The following SORCS3 variants were observed in gnomAD, a reference collection of about 807,000 sequenced individuals.
The protein encoded by SORCS3 is sortilin related VPS10 domain containing receptor 3, also known as VPS10 domain-containing receptor SorCS3.
In SORCS3, 57 loss-of-function variants were observed where a neutral mutation model predicts 146.3. The ratio of observed to expected loss-of-function variants is 0.39; its 90% CI spans 0.31 to 0.49. The LOEUF (loss-of-function observed/expected upper bound fraction) is 0.49, where lower values mean the gene tolerates loss of function less well. SORCS3 is among the 20% of genes least tolerant of loss of function. SORCS3 has a pLI of 0.92. For synonymous variants in SORCS3, 653 were observed against 618.5 expected, an observed-to-expected ratio of 1.06 and a Z score of -0.83; for missense variants, 1,341 against 1,575.5, an observed-to-expected ratio of 0.85 and a Z score of 2.52.
At chr10:105,107,070 C>T (rs1412176784) in intron 7 of SORCS3, among the ~76,000 whole-genome samples, 1 of 152,152 alleles carries the variant, frequency 6.6e-6, no homozygotes, top group Non-Finnish European at 1.5e-5. Context: ...AAATAACCAA[C>T]TCAGGATCCC....
intron 26 of SORCS3, among the ~76,000 whole-genome samples, chr10:105,262,956 C>G (rs1450901115): frequency 1.3e-5 from 2 of 151,958 alleles, no homozygotes; most frequent in Non-Finnish European, 2.9e-5. Context: ...TGTGTAGTAC[C>G]TAAAAAAAAC....
intron 18 of SORCS3, 101 bp downstream of exon 18, chr10:105,214,714 T>A: frequency 8.7e-7 from 1 of 1,153,000 alleles, no homozygotes; most frequent in Non-Finnish European, 1.2e-6. Context: ...TGCACCAAAG[T>A]CAATGGTGAG....
chr10:104,854,718 C>G (rs2018311168), intron 2 of SORCS3, among the ~76,000 whole-genome samples: 1 of 152,050 alleles, frequency 6.6e-6, no homozygotes, highest in Non-Finnish European at 1.5e-5. Context: ...CCTCCCTCAC[C>G]CAAAACCCCT....
chr10:105,249,979 C>T (rs1028015970), intron 22 of SORCS3, among the ~76,000 whole-genome samples: 2 of 152,108 alleles, frequency 1.3e-5, no homozygotes, highest in African/African-American at 4.8e-5. Flanking sequence ...AACAAGGTTC[C>T]ATAAACTGGG....
intron 2 of SORCS3, among the ~76,000 whole-genome samples, chr10:104,887,559 C>T (rs1036855376): frequency 3.9e-5 from 6 of 152,114 alleles, no homozygotes; most frequent in African/African-American, 1.4e-4. Flanking sequence ...AGCTTCTAGA[C>T]AAGAGTCCGG....
chr10:104,720,640 G>T (rs542545393), intron 1 of SORCS3, among the ~76,000 whole-genome samples: 153 of 152,296 alleles, frequency 1.0e-3, no homozygotes, highest in African/African-American at 3.4e-3. Context: ...AGCACCTGTT[G>T]TTTCCTGACT....
intron 1 of SORCS3, among the ~76,000 whole-genome samples, chr10:104,813,436 T>C (rs2017761431): frequency 6.6e-6 from 1 of 152,216 alleles, no homozygotes; most frequent in Non-Finnish European, 1.5e-5. Flanking sequence ...GGCTGGCCTG[T>C]TTTATGTACT....
At chr10:104,749,438 TA>T (rs1172305533) in intron 1 of SORCS3, among the ~76,000 whole-genome samples, 1 of 152,196 alleles carries the variant, frequency 6.6e-6, no homozygotes, top group Non-Finnish European at 1.5e-5. Flanking sequence ...TCATGCTTCT[TA>T]AAAATTGGGG....
intron 2 of SORCS3, among the ~76,000 whole-genome samples, chr10:104,864,368 T>C (rs1457337475): frequency 6.6e-6 from 1 of 152,134 alleles, no homozygotes; most frequent in Non-Finnish European, 1.5e-5. Context: ...ACTGGATGAA[T>C]ATGGTCTCAG....
At chr10:104,973,389 T>C (rs2054873530) in intron 3 of SORCS3, among the ~76,000 whole-genome samples, 3 of 152,194 alleles carry the variant, frequency 2.0e-5, no homozygotes, top group Admixed American at 6.5e-5. Flanking sequence ...TATTGGTCTA[T>C]TCAGAGAGTC....
chr10:105,156,524 T>C (rs1420683007), intron 9 of SORCS3, among the ~76,000 whole-genome samples: 1 of 152,172 alleles, frequency 6.6e-6, no homozygotes, highest in Non-Finnish European at 1.5e-5. Flanking sequence ...ATGGATCCTT[T>C]GCCAGCCAAC....
intron 4 of SORCS3, among the ~76,000 whole-genome samples, chr10:105,013,972 C>A (rs1424998011): frequency 8.9e-6 from 1 of 112,382 alleles, no homozygotes; most frequent in Non-Finnish European, 1.8e-5. Flanking sequence ...TGTAGACACA[C>A]AGACACACAG....
intron 4 of SORCS3, among the ~76,000 whole-genome samples, chr10:105,022,898 A>T (rs1293473611): frequency 1.3e-5 from 2 of 152,172 alleles, no homozygotes; most frequent in African/African-American, 2.4e-5. Context: ...TGCCTTGATG[A>T]TCACTGAGGC....
intron 4 of SORCS3, among the ~76,000 whole-genome samples, chr10:105,004,058 T>A (rs1036957363): frequency 6.6e-6 from 1 of 150,410 alleles, no homozygotes; most frequent in African/African-American, 2.5e-5. Flanking sequence ...TATGGGAAGT[T>A]TCTCAGGTGT....
At chr10:104,860,986 T>C (rs1459732361) in intron 2 of SORCS3, among the ~76,000 whole-genome samples, 1 of 152,156 alleles carries the variant, frequency 6.6e-6, no homozygotes, top group African/African-American at 2.4e-5. Flanking sequence ...AAGTGAAGGA[T>C]GAAGAGTAGG....
chr10:105,083,140 AAGT>A (rs1381854403), intron 5 of SORCS3, among the ~76,000 whole-genome samples: 2 of 152,222 alleles, frequency 1.3e-5, no homozygotes, highest in Non-Finnish European at 2.9e-5. Flanking sequence ...ATTTAATTAA[AAGT>A]AGGAATACAG....
chr10:104,834,562 A>T (rs1321531794), intron 1 of SORCS3, among the ~76,000 whole-genome samples: 3 of 150,236 alleles, frequency 2.0e-5, no homozygotes, highest in African/African-American at 7.4e-5. Context: ...TTCATTCCCC[A>T]CCTGCCACCC....
Position 105,239,849 on chromosome 10 carries a change from A to C in SORCS3, c.2869-5693A>C, listed in dbSNP as rs371359778. Among the ~76,000 whole-genome samples, 24 of 152,372 alleles carry C rather than the reference A, an allele frequency of 1.6e-4. No homozygotes were observed. In the East Asian group the frequency reaches 4.1e-3, roughly 26 times the overall value. ...GGCACCAGATATCAGTGGCTGATGAAGAACTCAAGAATCCTGTTGAGTGTT... is the reference window on the plus strand; with the variant it reads ...GGCACCAGATATCAGTGGCTGATGACGAACTCAAGAATCCTGTTGAGTGTT... On this transcript the variant is annotated intron_variant, in intron 20 of 26. Transcript: ENST00000369701.
At chr10:104,928,078 G>A (rs1055141558) in intron 3 of SORCS3, among the ~76,000 whole-genome samples, 9 of 152,146 alleles carry the variant, frequency 5.9e-5, no homozygotes, top group Non-Finnish European at 1.0e-4. Context: ...AGAGTATAGA[G>A]GTTTTAAGTA....
Sources: allele counts gnomAD v4.1 joint callset (sites outside exome capture counted in the v4.1 genomes callset), GRCh38; gene constraint gnomAD v4.1.1; transcripts MANE v1.5; gene names NCBI Gene and HGNC (gene_info 2026-07-23, HGNC 2026-07-21).